The following MYT1L variants were observed in gnomAD, a reference collection of about 807,000 sequenced individuals.
The protein encoded by MYT1L is myelin transcription factor 1-like protein.
MYT1L carries 12 observed loss-of-function variants against 126.7 expected under a neutral mutation model. The ratio of observed to expected loss-of-function variants is 0.09; its 90% CI spans 0.06 to 0.15. MYT1L has a LOEUF of 0.15. Among genes scored for constraint, MYT1L ranks in the 10% least tolerant of loss-of-function variants. The pLI, the probability that MYT1L is intolerant of heterozygous loss-of-function variation, is 1.00. For missense variants in MYT1L, 979 were observed against 1,585.2 expected (o/e 0.62, Z 6.49); for synonymous variants, 541 against 604.2 (o/e 0.90, Z 1.53).
intron 8 of MYT1L, among the ~76,000 whole-genome samples, chr2:1,953,535 G>C (rs754046349): frequency 6.6e-6 from 1 of 152,240 alleles, no homozygotes; most frequent in Non-Finnish European, 1.5e-5. Context: ...TGTGTCGCTA[G>C]ACATTTACCA....
At chr2:2,053,723 C>T (rs535741306) in intron 4 of MYT1L, among the ~76,000 whole-genome samples, 1 of 152,282 alleles carries the variant, frequency 6.6e-6, no homozygotes, top group Non-Finnish European at 1.5e-5. Flanking sequence ...CTTATCAATT[C>T]TTCTTTTGGG....
intron 2 of MYT1L, among the ~76,000 whole-genome samples, chr2:2,201,901 A>T (rs575491525): frequency 6.6e-6 from 1 of 152,314 alleles, no homozygotes; most frequent in South Asian, 2.1e-4. Flanking sequence ...ACAGACTTTT[A>T]TTGGGAGCTA....
intron 21 of MYT1L, among the ~76,000 whole-genome samples, chr2:1,833,674 C>T (rs1372447227): frequency 6.6e-6 from 1 of 152,214 alleles, no homozygotes; most frequent in Non-Finnish European, 1.5e-5. Context: ...AAGGTCATGG[C>T]ACCACGTATG....
At chr2:2,247,202 A>G (rs1396857910) in intron 2 of MYT1L, among the ~76,000 whole-genome samples, 1 of 152,244 alleles carries the variant, frequency 6.6e-6, no homozygotes, top group African/African-American at 2.4e-5. Flanking sequence ...ATGATATTTC[A>G]TTCAATGGAA....
At chr2:2,146,127 A>G (rs1379061442) in intron 3 of MYT1L, among the ~76,000 whole-genome samples, 1 of 152,262 alleles carries the variant, frequency 6.6e-6, no homozygotes, top group Non-Finnish European at 1.5e-5. Flanking sequence ...TAAATCTGTA[A>G]CAGTAACTAA....
At chr2:1,997,545 C>T (rs778172325) in intron 4 of MYT1L, among the ~76,000 whole-genome samples, 198 bp from the exon 5 acceptor site, 59 of 152,344 alleles carry the variant, frequency 3.9e-4, no homozygotes, top group East Asian at 2.5e-3. Context: ...GCCTGCTGTT[C>T]GGACTCTGAC....
chr2:2,040,149 C>G (rs956700355), intron 4 of MYT1L, among the ~76,000 whole-genome samples: 4 of 152,224 alleles, frequency 2.6e-5, no homozygotes, highest in South Asian at 4.1e-4. Context: ...TTCATTTGTC[C>G]TGGTGTTCTG....
chr2:2,216,852 T>C (rs918090977), intron 2 of MYT1L, among the ~76,000 whole-genome samples: 2 of 152,042 alleles, frequency 1.3e-5, no homozygotes, highest in Non-Finnish European at 1.5e-5. Context: ...ATGTCAATAG[T>C]GAGCCTACAC....
At chr2:2,133,273 T>C (rs1233447107) in intron 3 of MYT1L, among the ~76,000 whole-genome samples, 2 of 152,150 alleles carry the variant, frequency 1.3e-5, no homozygotes, top group African/African-American at 2.4e-5. Context: ...TACATACAGT[T>C]AGTGTCAATC....
At chr2:2,255,361 C>G (rs1300192296) in intron 2 of MYT1L, among the ~76,000 whole-genome samples, 7 of 152,078 alleles carry the variant, frequency 4.6e-5, no homozygotes, top group African/African-American at 1.4e-4. Flanking sequence ...TTTTTAAGCA[C>G]AAGCCTCATC....
At chr2:2,029,462 C>T (rs1405541649) in intron 4 of MYT1L, among the ~76,000 whole-genome samples, 2 of 152,192 alleles carry the variant, frequency 1.3e-5, no homozygotes, top group Non-Finnish European at 2.9e-5. Context: ...ACCATCAGAT[C>T]TCATGAGAGT....
At position 1,912,722 on chromosome 2, in the gene MYT1L, G is replaced by A. The variant is rs905471413; in HGVS notation, c.1619-612C>T. Among the ~76,000 whole-genome samples, 9 of 152,000 alleles carry A rather than the reference G, an allele frequency of 5.9e-5. No individual in the cohort carries two copies. Among genetic ancestry groups the A allele is most frequent in the Admixed American group, 3.3e-4 (5 of 15,260 alleles). On this transcript the variant is annotated intron_variant, in intron 11 of 24. Transcript: ENST00000647738. The surrounding 1 kb of genome is among the most constrained non-coding windows in gnomAD (Gnocchi z 4.3). The stretch of plus-strand genomic sequence containing the variant: ...AATAGGATGAGCTAGAAGAGTAAGC[G>A]TCTGCGTTTTTACCCTGTGAAATTA...
chr2:2,149,965 C>G (rs2085475966), intron 3 of MYT1L, among the ~76,000 whole-genome samples: 1 of 152,206 alleles, frequency 6.6e-6, no homozygotes, highest in African/African-American at 2.4e-5. Flanking sequence ...ACCCAGTCAC[C>G]ATATTGTCAA....
Position 1,801,822 on chromosome 2 carries a change from G to T in MYT1L, c.3173-23C>A. The T allele has an allele frequency of 1.4e-6, 2 of 1,396,790 alleles. No homozygotes were observed. The highest frequency in any genetic ancestry group is 2.0e-6 in the Non-Finnish European group (2 of 998,570). The allele number at this position is 1,396,790 out of a possible 1,614,324, so 86.5% of individuals were successfully genotyped here. On this transcript the variant is annotated intron_variant, in intron 22 of 24. Transcript: ENST00000647738. This position sits in a 1 kb window ranked among gnomAD's most constrained non-coding sequence, Gnocchi z 4.2. ...TACCTGTAATAATGAATATTAGTAT[G>T]TTAAAACTGTTATATACAAAAATAT...
chr2:2,305,251 A>G (rs897158840), intron 1 of MYT1L, among the ~76,000 whole-genome samples: 1 of 152,186 alleles, frequency 6.6e-6, no homozygotes, highest in Non-Finnish European at 1.5e-5. Context: ...AATTCCAGTT[A>G]AAAACTTCAG....
At chr2:2,218,322 C>T (rs1338866319) in intron 2 of MYT1L, among the ~76,000 whole-genome samples, 1 of 152,122 alleles carries the variant, frequency 6.6e-6, no homozygotes, top group Non-Finnish European at 1.5e-5. Flanking sequence ...TACAAATATC[C>T]ATCAACAGTT....
chr2:1,973,634 A>G (rs751231829), intron 8 of MYT1L, among the ~76,000 whole-genome samples: 7 of 152,360 alleles, frequency 4.6e-5, no homozygotes, highest in Non-Finnish European at 7.3e-5. Context: ...TTTAGCAGGT[A>G]CTTGAGCCCC....
At chr2:2,071,618 A>C (rs1025256398) in intron 3 of MYT1L, among the ~76,000 whole-genome samples, 3 of 152,240 alleles carry the variant, frequency 2.0e-5, no homozygotes, top group Admixed American at 2.0e-4. Context: ...ACATAAGAGG[A>C]AAGTAGGAAT....
At chr2:1,836,240 C>T (rs115494406) in intron 21 of MYT1L, among the ~76,000 whole-genome samples, 1 of 151,684 alleles carries the variant, frequency 6.6e-6, no homozygotes, top group Non-Finnish European at 1.5e-5. Flanking sequence ...TATTCTTGCA[C>T]CCCAATATTC....
Sources: gnomAD v4.1 joint callset for allele counts (sites outside exome capture counted in the v4.1 genomes callset) on GRCh38, gnomAD v4.1.1 for gene constraint, Gnocchi (gnomAD v3.1) non-coding constraint, MANE v1.5 for transcripts, NCBI Gene and HGNC (gene_info 2026-07-23, HGNC 2026-07-21) for gene names.